The following KCNK9 variants were observed in gnomAD, a reference collection of about 807,000 sequenced individuals.
The protein encoded by KCNK9 is potassium channel subfamily K member 9.
Under a neutral mutation model 10.8 loss-of-function variants are expected in KCNK9, and 1 was observed. The observed-to-expected ratio is 0.09, with a 90% CI of 0.03 to 0.44. The LOEUF is 0.44. KCNK9 is among the 20% of genes least tolerant of loss of function. KCNK9 has a pLI of 0.97. For synonymous variants in KCNK9, 231 were observed against 222.7 expected (o/e 1.04, Z -0.33); for missense variants, 303 against 515.0 (o/e 0.59, Z 3.98).
intron 1 of KCNK9, among the ~76,000 whole-genome samples, chr8:139,682,664 C>T (rs1816715974): frequency 6.6e-6 from 1 of 152,182 alleles, no homozygotes; most frequent in African/African-American, 2.4e-5. Context: ...GGCTGTGGGC[C>T]ACAGGGAGCC....
intron 1 of KCNK9, among the ~76,000 whole-genome samples, chr8:139,656,737 T>TG (rs1816032266): frequency 6.6e-6 from 1 of 152,208 alleles, no homozygotes. Context: ...CAGTTTCTCC[T>TG]AGTTTCCATG....
At chr8:139,612,894 G>C (rs1294285187), downstream of KCNK9, among the ~76,000 whole-genome samples, 1 of 152,100 alleles carries the variant, frequency 6.6e-6, no homozygotes, top group African/African-American at 2.4e-5. Flanking sequence ...TTCTCAAAAA[G>C]GCCAACATTG....
intron 1 of KCNK9, among the ~76,000 whole-genome samples, chr8:139,639,903 C>T (rs779273960): frequency 1.3e-5 from 2 of 152,324 alleles, no homozygotes; most frequent in East Asian, 1.9e-4. Context: ...CTGCAAGATG[C>T]GCTAAGGACC....
At chr8:139,689,265 A>G (rs1816884783) in intron 1 of KCNK9, among the ~76,000 whole-genome samples, 1 of 152,358 alleles carries the variant, frequency 6.6e-6, no homozygotes, top group Admixed American at 6.5e-5. Flanking sequence ...GCAAACTGAA[A>G]CGAATCCAAA....
intron 2 of KCNK9, among the ~76,000 whole-genome samples, chr8:139,605,308 A>G (rs564215004): frequency 1.5e-4 from 23 of 152,332 alleles, no homozygotes; most frequent in Admixed American, 2.6e-4. Context: ...CTTTGGTTTC[A>G]TTGCCTCCTG....
chr8:139,635,515 T>C (rs1262334942), intron 1 of KCNK9, among the ~76,000 whole-genome samples: 2 of 152,220 alleles, frequency 1.3e-5, no homozygotes, highest in African/African-American at 4.8e-5. Flanking sequence ...CTATTTGACC[T>C]TGGGCAAGTC....
At chr8:139,646,832 G>C (rs907773690) in intron 1 of KCNK9, among the ~76,000 whole-genome samples, 1 of 152,196 alleles carries the variant, frequency 6.6e-6, no homozygotes, top group African/African-American at 2.4e-5. Context: ...GAAACATAGA[G>C]AGCACCAACC....
chr8:139,680,033 C>T (rs893945605), intron 1 of KCNK9, among the ~76,000 whole-genome samples: 1 of 152,200 alleles, frequency 6.6e-6, no homozygotes, highest in South Asian at 2.1e-4. Flanking sequence ...GTCTGGGGAC[C>T]ATGGCTCCCA....
intron 1 of KCNK9, among the ~76,000 whole-genome samples, chr8:139,628,459 C>T (rs962592309): frequency 1.1e-4 from 16 of 152,210 alleles, no homozygotes; most frequent in African/African-American, 3.4e-4. Context: ...CAGGCCCTGG[C>T]CCCTTCCACA....
intron 1 of KCNK9, among the ~76,000 whole-genome samples, chr8:139,701,089 A>C (rs1272556015): frequency 6.6e-6 from 1 of 152,216 alleles, no homozygotes; most frequent in Non-Finnish European, 1.5e-5. Flanking sequence ...CTCTCCAGCA[A>C]ACAGGCCCCT....
chr8:139,620,348 C>G (rs1453768553), intron 1 of KCNK9, among the ~76,000 whole-genome samples: 2 of 152,230 alleles, frequency 1.3e-5, no homozygotes, highest in Non-Finnish European at 2.9e-5. Flanking sequence ...ACTTAGCTTG[C>G]TGCTTTACCT....
At chr8:139,626,782 C>A (rs540733675) in intron 1 of KCNK9, among the ~76,000 whole-genome samples, 2 of 152,288 alleles carry the variant, frequency 1.3e-5, no homozygotes, top group East Asian at 3.9e-4. Flanking sequence ...AAAGGACATG[C>A]AAAGTTTGTG....
intron 2 of KCNK9, among the ~76,000 whole-genome samples, chr8:139,604,605 A>G (rs780458234): frequency 3.3e-5 from 5 of 152,210 alleles, no homozygotes; most frequent in Non-Finnish European, 7.3e-5. Flanking sequence ...ATCCGTCCTT[A>G]TTTACATTTT....
intron 1 of KCNK9, among the ~76,000 whole-genome samples, chr8:139,624,777 G>A (rs1334067808): frequency 6.6e-6 from 1 of 152,220 alleles, no homozygotes. Flanking sequence ...CACAGTCAGA[G>A]GCAACTGACA....
chr8:139,682,207 C>A (rs2129767408), intron 1 of KCNK9, among the ~76,000 whole-genome samples: 1 of 152,308 alleles, frequency 6.6e-6, no homozygotes, highest in South Asian at 2.1e-4. Context: ...AGAGAATATT[C>A]TAGAACAGTT....
At chr8:139,660,060 C>T (rs1419500661) in intron 1 of KCNK9, among the ~76,000 whole-genome samples, 3 of 152,032 alleles carry the variant, frequency 2.0e-5, no homozygotes, top group Non-Finnish European at 2.9e-5. Context: ...CACAGAAGAA[C>T]GATGTAGATG....
At chr8:139,681,592 G>A (rs1276650452) in intron 1 of KCNK9, among the ~76,000 whole-genome samples, 2 of 152,192 alleles carry the variant, frequency 1.3e-5, no homozygotes, top group Non-Finnish European at 2.9e-5. Flanking sequence ...AGGGTCGCTG[G>A]CTTTAGGAGG....
At chr8:139,672,420 A>T (rs868414330) in intron 1 of KCNK9, among the ~76,000 whole-genome samples, 1 of 152,222 alleles carries the variant, frequency 6.6e-6, no homozygotes, top group Non-Finnish European at 1.5e-5. Context: ...TGTTCTGGGT[A>T]ACACCACATC....
At chr8:139,632,518 CTGGGCCACAGA>C (rs972422846) in intron 1 of KCNK9, among the ~76,000 whole-genome samples, 18 of 152,336 alleles carry the variant, frequency 1.2e-4, no homozygotes, top group East Asian at 9.7e-4. Context: ...GGGCACACAG[CTGGGCCACAGA>C]GTCCCTCGCA....
Sources: allele counts gnomAD v4.1 joint callset (sites outside exome capture counted in the v4.1 genomes callset), GRCh38; gene constraint gnomAD v4.1.1; transcripts MANE v1.5; gene names NCBI Gene and HGNC (gene_info 2026-07-23, HGNC 2026-07-21).